The following PJA2 variants were observed in gnomAD, a reference collection of about 807,000 sequenced individuals.
PJA2 encodes E3 ubiquitin-protein ligase Praja-2.
PJA2 carries 25 observed loss-of-function variants against 69.3 expected under a neutral mutation model. That is an observed-to-expected ratio of 0.36 (90% CI 0.26 to 0.50). The LOEUF is 0.50. Among genes scored for constraint, PJA2 ranks in the 20% least tolerant of loss-of-function variants. The probability of loss-of-function intolerance (pLI) is 0.96; values close to 1 mark genes in which losing one functional copy is unlikely to be tolerated. For synonymous variants in PJA2, 308 were observed against 277.8 expected, an observed-to-expected ratio of 1.11 and a Z score of -1.08; for missense variants, 809 against 830.2, an observed-to-expected ratio of 0.97 and a Z score of 0.31.
chr5:109,355,520 G>A (rs1250425993), intron 7 of PJA2, among the ~76,000 whole-genome samples: 3 of 152,158 alleles, frequency 2.0e-5, no homozygotes, highest in Admixed American at 2.0e-4. Flanking sequence ...GCATTAGGCA[G>A]CCAGATAGTA....
Position 109,392,259 on chromosome 5 carries a change from G to C in PJA2, c.-87-8739C>G, listed in dbSNP as rs568885010. Among the ~76,000 whole-genome samples the C allele has an allele frequency of 4.6e-5, 7 of 152,132 alleles. No individual in the cohort carries two copies. In the East Asian group the frequency reaches 1.4e-3, roughly 29 times the overall value. On this transcript the variant is annotated intron_variant, in intron 1 of 9. Coordinates refer to ENST00000361189, the MANE Select transcript of PJA2 (RefSeq NM_014819.5). The stretch of plus-strand genomic sequence containing the variant: ...GCAGACAAATGTATCAATGGAATAG[G>C]ATAGAAAAAGTGTCAAACAGACCGG...
At chr5:109,374,986 A>C (rs1015660659) in intron 4 of PJA2, among the ~76,000 whole-genome samples, 1 of 152,158 alleles carries the variant, frequency 6.6e-6, no homozygotes, top group Non-Finnish European at 1.5e-5. Flanking sequence ...GCCTATTAAA[A>C]TTCCCCTTGG....
At chr5:109,383,858 T>G (rs904893660) in intron 1 of PJA2, among the ~76,000 whole-genome samples, 6 of 151,784 alleles carry the variant, frequency 4.0e-5, no homozygotes, top group Admixed American at 3.9e-4. Context: ...GCCCAGGAGG[T>G]GGAGGCTGCA....
chr5:109,359,390 C>A (rs1403402574), intron 6 of PJA2, among the ~76,000 whole-genome samples: 3 of 152,088 alleles, frequency 2.0e-5, no homozygotes, highest in African/African-American at 7.2e-5. Context: ...CCGTGTTGTT[C>A]AAGAGTCAGC....
At position 109,354,092 on chromosome 5, in the gene PJA2, A is replaced by ATG. The variant is rs1279164817; in HGVS notation, c.1764+1822_1764+1823insCA. Among the ~76,000 whole-genome samples, 49 of 94,986 alleles carry ATG rather than the reference A, an allele frequency of 5.2e-4. 3 individuals carry two copies. Among genetic ancestry groups the ATG allele is most frequent in the African/African-American group, 1.9e-3 (44 of 23,188 alleles). The allele number at this position is 94,986 out of a possible 152,430, so 62.3% of individuals were successfully genotyped here. ...AGATATCTATAGATTAGATATCTAT[A>ATG]TCTAGAGATATCTATAGATTAGATA... On this transcript the variant is annotated intron_variant, in intron 7 of 9. Transcript: ENST00000361189.
At chr5:109,394,829 C>T (rs964292487) in intron 1 of PJA2, among the ~76,000 whole-genome samples, 14 of 152,192 alleles carry the variant, frequency 9.2e-5, no homozygotes, top group Admixed American at 2.6e-4. Flanking sequence ...TTCTCAATTT[C>T]TGTTTCTAAC....
intron 9 of PJA2, among the ~76,000 whole-genome samples, chr5:109,342,541 CA>C (rs1762092058): frequency 9.4e-6 from 1 of 105,902 alleles, no homozygotes; most frequent in Non-Finnish European, 2.0e-5. Context: ...TCAGCTCCCC[CA>C]CCCGGCCAGC....
At chr5:109,344,084 C>T (rs374409443) in intron 9 of PJA2, 106 bp downstream of exon 9, 20 of 854,550 alleles carry the variant, frequency 2.3e-5, no homozygotes, top group South Asian at 9.3e-5. Context: ...GTGACAAGAG[C>T]GAAACTTTGT....
intron 3 of PJA2, among the ~76,000 whole-genome samples, chr5:109,379,619 C>T (rs752125147): frequency 5.9e-5 from 9 of 152,184 alleles, no homozygotes; most frequent in Admixed American, 2.0e-4. Context: ...CCAGTGATTT[C>T]CAAACTTACC....
At chr5:109,392,560 C>A (rs865871771) in intron 1 of PJA2, among the ~76,000 whole-genome samples, 798 of 109,868 alleles carry the variant, frequency 7.3e-3, no homozygotes, top group East Asian at 8.8e-3. Flanking sequence ...GACTCCATCT[C>A]AAAAAAAAAA....
chr5:109,359,098 A>G (rs1335878564), intron 6 of PJA2, among the ~76,000 whole-genome samples: 1 of 152,166 alleles, frequency 6.6e-6, no homozygotes, highest in African/African-American at 2.4e-5. Flanking sequence ...ACTACTCAAT[A>G]TGAAGACAGC....
chr5:109,374,974 C>T (rs1230889385), intron 4 of PJA2, among the ~76,000 whole-genome samples: 1 of 152,114 alleles, frequency 6.6e-6, no homozygotes, highest in African/African-American at 2.4e-5. Context: ...TAATTATATG[C>T]TGCCTATTAA....
At chr5:109,399,727 A>T (rs1485001989) in intron 1 of PJA2, among the ~76,000 whole-genome samples, 1 of 152,210 alleles carries the variant, frequency 6.6e-6, no homozygotes, top group African/African-American at 2.4e-5. Context: ...AAGACAAAAA[A>T]GCTGAGGAGG....
intron 4 of PJA2, among the ~76,000 whole-genome samples, chr5:109,374,892 C>G (rs1746828187): frequency 6.6e-6 from 1 of 152,260 alleles, no homozygotes; most frequent in South Asian, 2.1e-4. Context: ...CAAACAGTTA[C>G]TAAACTTCTC....
At chr5:109,381,180 T>C (rs977013515) in intron 3 of PJA2, among the ~76,000 whole-genome samples, 1 of 152,112 alleles carries the variant, frequency 6.6e-6, no homozygotes, top group African/African-American at 2.4e-5. Context: ...ATATCTCTAC[T>C]TGATCCACAT....
intron 1 of PJA2, among the ~76,000 whole-genome samples, chr5:109,402,286 G>T (rs1233662613): frequency 6.6e-6 from 1 of 151,964 alleles, no homozygotes; most frequent in Non-Finnish European, 1.5e-5. Flanking sequence ...TTTTCAAGAT[G>T]AATTAAAAAA....
intron 9 of PJA2, 27 bp from the exon 10 acceptor site, chr5:109,337,383 C>T: frequency 6.4e-7 from 1 of 1,560,056 alleles, no homozygotes; most frequent in Non-Finnish European, 8.7e-7. Context: ...TGTTAAGAGC[C>T]ACCAGAATCA....
At chr5:109,352,800 T>C (rs1762278041) in intron 7 of PJA2, among the ~76,000 whole-genome samples, 1 of 151,196 alleles carries the variant, frequency 6.6e-6, no homozygotes. Flanking sequence ...ATATTAGATA[T>C]GTATATATTA....
intron 1 of PJA2, among the ~76,000 whole-genome samples, chr5:109,392,428 G>T (rs544202314): frequency 2.0e-5 from 3 of 152,034 alleles, no homozygotes; most frequent in African/African-American, 7.2e-5. Context: ...GCGCATGGTG[G>T]TGCACACCTG....
Sources: gnomAD v4.1 joint callset for allele counts (sites outside exome capture counted in the v4.1 genomes callset) on GRCh38, gnomAD v4.1.1 for gene constraint, MANE v1.5 for transcripts, NCBI Gene and HGNC (gene_info 2026-07-23, HGNC 2026-07-21) for gene names.